Variants in POU6F2 observed in about 807,000 individuals in gnomAD.
POU6F2 encodes POU class 6 homeobox 2, also known as POU domain, class 6, transcription factor 2.
A neutral mutation model predicts 71.3 loss-of-function variants in POU6F2; 31 were observed. The observed-to-expected ratio is 0.43, with a 90% CI of 0.33 to 0.59. POU6F2 has a LOEUF of 0.59. Among genes scored for constraint, POU6F2 ranks in the 20% least tolerant of loss-of-function variants. The pLI is 0.04. For synonymous variants in POU6F2, 347 were observed against 355.7 expected, an observed-to-expected ratio of 0.98 and a Z score of 0.27; for missense variants, 783 against 856.8, an observed-to-expected ratio of 0.91 and a Z score of 1.07.
At chr7:39,269,969 C>T (rs1784313708) in intron 4 of POU6F2, among the ~76,000 whole-genome samples, 1 of 152,086 alleles carries the variant, frequency 6.6e-6, no homozygotes, top group Admixed American at 6.6e-5. Flanking sequence ...TCAATATTTT[C>T]CAATAATAGG....
chr7:39,310,022 T>G (rs910597447), intron 4 of POU6F2, among the ~76,000 whole-genome samples: 2 of 152,060 alleles, frequency 1.3e-5, no homozygotes, highest in Non-Finnish European at 2.9e-5. Context: ...ATTTAGCTCT[T>G]TTGGATGATG....
At chr7:39,058,350 G>C (rs1309727895) in intron 1 of POU6F2, among the ~76,000 whole-genome samples, 1 of 152,098 alleles carries the variant, frequency 6.6e-6, no homozygotes, top group Non-Finnish European at 1.5e-5. Context: ...AAGGAAGAAG[G>C]GAAAGATTCC....
At chr7:39,438,150 G>C (rs948149096) in intron 7 of POU6F2, among the ~76,000 whole-genome samples, 1 of 152,096 alleles carries the variant, frequency 6.6e-6, no homozygotes, top group South Asian at 2.1e-4. Context: ...CTGTGTCCAA[G>C]TGTTCTCATT....
rs113307803 is a variant in POU6F2, at chr7:39,428,933, G to A, written c.1114-4144G>A. Among the ~76,000 whole-genome samples the A allele has an allele frequency of 6.6e-3, 884 of 133,294 alleles. 4 individuals are homozygous for A. The highest frequency in any genetic ancestry group is 0.024 in the African/African-American group (846 of 35,718). 87.4% of individuals were successfully genotyped at this position (133,294 alleles called of 152,430 possible). A position where few individuals can be genotyped will look rare whatever the true frequency, so the allele number is the denominator to read the frequency against. ...GAACAATGAGAACACTTGCACACAG[G>A]GTGGGGAACATCACACACCAGGGCC... is the stretch of plus-strand genomic sequence containing the variant. On this transcript the variant is annotated intron_variant, in intron 6 of 9. Transcript: ENST00000518318.
In POU6F2 at chr7:39,412,778, C is replaced by CTTTTTTTTTTT. The variant is rs1166811956; in HGVS notation, c.1113+6069_1113+6079dup. Among the ~76,000 whole-genome samples, 33 of 23,192 alleles carry CTTTTTTTTTTT rather than the reference C, an allele frequency of 1.4e-3. 16 individuals are homozygous for CTTTTTTTTTTT. Among genetic ancestry groups the CTTTTTTTTTTT allele is most frequent in the Non-Finnish European group, 2.5e-3 (24 of 9,474 alleles). 15.2% of individuals were successfully genotyped at this position (23,192 alleles called of 152,430 possible). A position where few individuals can be genotyped will look rare whatever the true frequency, so the allele number is the denominator to read the frequency against. On this transcript the variant is annotated intron_variant, in intron 6 of 9. Coordinates refer to ENST00000518318, the MANE Select transcript of POU6F2 (RefSeq NM_001370959.1). ...TCCGTATTAGCTTCAGTTTTCTTGC[C>CTTTTTTTTTTT]TTTTTTTTTTTTTTTTTTTTTTTTT...
chr7:39,167,746 G>A (rs1467502538), intron 2 of POU6F2, among the ~76,000 whole-genome samples: 2 of 151,560 alleles, frequency 1.3e-5, no homozygotes. Flanking sequence ...TTGGTGTATA[G>A]GCAATGTTAT....
chr7:39,063,365 G>T (rs1185751173), intron 1 of POU6F2, among the ~76,000 whole-genome samples: 1 of 152,218 alleles, frequency 6.6e-6, no homozygotes, highest in African/African-American at 2.4e-5. Context: ...AGACAGCAGA[G>T]TGAGATGCAA....
intron 5 of POU6F2, among the ~76,000 whole-genome samples, chr7:39,380,921 T>A (rs1583562703): frequency 6.6e-6 from 1 of 152,322 alleles, no homozygotes; most frequent in East Asian, 1.9e-4. Context: ...AAGCACTGTG[T>A]GGCATTCAGG....
intron 6 of POU6F2, among the ~76,000 whole-genome samples, chr7:39,416,093 TACACACACACACACACACACACACACAC>T (rs57579748): frequency 1.4e-5 from 2 of 139,204 alleles, no homozygotes; most frequent in Non-Finnish European, 3.1e-5. Flanking sequence ...CTCGAAGGCA[TACACACACACACACACACACACACACAC>T]ACACACACAC....
At chr7:39,347,649 T>G (rs889725917) in intron 5 of POU6F2, among the ~76,000 whole-genome samples, 3 of 145,404 alleles carry the variant, frequency 2.1e-5, no homozygotes, top group Non-Finnish European at 4.6e-5. Context: ...ATTATTATTA[T>G]TTGAGAAAGA....
chr7:39,430,088 C>T (rs1788064830), intron 6 of POU6F2, among the ~76,000 whole-genome samples: 2 of 152,294 alleles, frequency 1.3e-5, no homozygotes, highest in South Asian at 4.1e-4. Flanking sequence ...GAAATAGGCA[C>T]ATCAGAGAAT....
intron 4 of POU6F2, among the ~76,000 whole-genome samples, chr7:39,310,771 C>G (rs759070403): frequency 2.6e-5 from 4 of 152,178 alleles, no homozygotes; most frequent in African/African-American, 7.2e-5. Flanking sequence ...CCAAGAGCCA[C>G]CAGGGGAGGC....
intron 2 of POU6F2, among the ~76,000 whole-genome samples, chr7:39,193,529 C>T (rs949014133): frequency 4.6e-5 from 7 of 152,118 alleles, no homozygotes; most frequent in African/African-American, 1.7e-4. Context: ...ATTCAGATCC[C>T]AACTCTATCA....
intron 4 of POU6F2, among the ~76,000 whole-genome samples, chr7:39,239,225 AGT>A (rs1783662469): frequency 6.6e-6 from 1 of 152,092 alleles, no homozygotes; most frequent in Admixed American, 6.6e-5. Context: ...ACCACTGACT[AGT>A]GATAAGACTT....
rs796726783 is a variant in POU6F2, at chr7:39,112,788, G to A, written c.277+26757G>A. On this transcript the variant is annotated intron_variant, in intron 2 of 9. Coordinates refer to ENST00000518318, the MANE Select transcript of POU6F2 (RefSeq NM_001370959.1). Reference sequence around the variant, plus strand: ...GGCTACGTAGCTATATAATAACTGTGTGCTGAAAGGATTTGTGTTGATTAG... The same window carrying A: ...GGCTACGTAGCTATATAATAACTGTATGCTGAAAGGATTTGTGTTGATTAG... Among the ~76,000 whole-genome samples, 11 of 152,222 alleles carry A rather than the reference G, an allele frequency of 7.2e-5. 1 individual carries two copies. The highest frequency in any genetic ancestry group is 1.9e-4 in the African/African-American group (8 of 41,542).
rs34675814 is a variant in POU6F2 at position 39,271,838 on chromosome 7, T to TA, written c.598+64228dup. 3.3e-3 allele frequency among the ~76,000 whole-genome samples: 491 copies of TA among 149,892 alleles called. 1 individual carries two copies. Among genetic ancestry groups the TA allele is most frequent in the African/African-American group, 0.011 (444 of 40,988 alleles). Reference sequence around the variant, plus strand: ...TATTTTATTCTTTATTTTTAAACTATAAAAAAAAAATCCTGGAAATGGAAA... The same window carrying TA: ...TATTTTATTCTTTATTTTTAAACTATAAAAAAAAAAATCCTGGAAATGGAAA... On this transcript the variant is annotated intron_variant, in intron 4 of 9. Transcript: ENST00000518318.
At chr7:39,196,764 A>G (rs1379599384) in intron 2 of POU6F2, among the ~76,000 whole-genome samples, 1 of 152,158 alleles carries the variant, frequency 6.6e-6, no homozygotes, top group East Asian at 1.9e-4. Context: ...ATCTCAAGAA[A>G]AAAAAAAAGA....
intron 4 of POU6F2, among the ~76,000 whole-genome samples, chr7:39,237,725 C>T (rs957866572): frequency 4.6e-5 from 7 of 152,098 alleles, no homozygotes; most frequent in African/African-American, 1.7e-4. Flanking sequence ...AAATACGACT[C>T]AGCTAGACCC....
intron 6 of POU6F2, among the ~76,000 whole-genome samples, chr7:39,425,553 C>A (rs527300964): frequency 5.9e-5 from 9 of 152,100 alleles, no homozygotes; most frequent in Non-Finnish European, 1.0e-4. Flanking sequence ...CTAATGCATT[C>A]GAATAGTATA....
Sources: allele counts gnomAD v4.1 joint callset (sites outside exome capture counted in the v4.1 genomes callset), GRCh38; gene constraint gnomAD v4.1.1; transcripts MANE v1.5; gene names NCBI Gene and HGNC (gene_info 2026-07-23, HGNC 2026-07-21).